Variants in ATP7A observed in about 807,000 individuals in gnomAD.
The protein encoded by ATP7A is copper-transporting ATPase 1.
Under a neutral mutation model 83.5 loss-of-function variants are expected in ATP7A, and 7 were observed. The observed-to-expected ratio is 0.08, with a 90% CI of 0.05 to 0.16. The LOEUF (loss-of-function observed/expected upper bound fraction) is 0.16. ATP7A is among the 10% of genes least tolerant of loss of function. The probability of loss-of-function intolerance (pLI) is 1.00; values close to 1 mark genes in which losing one functional copy is unlikely to be tolerated. For synonymous variants in ATP7A, 354 were observed against 395.2 expected, an observed-to-expected ratio of 0.90 and a Z score of 1.24; for missense variants, 940 against 1,120.8, an observed-to-expected ratio of 0.84 and a Z score of 2.30.
At chrX:77,954,391 C>T (rs953287905) in intron 1 of ATP7A, among the ~76,000 whole-genome samples, 2 of 111,739 alleles carry the variant, frequency 1.8e-5, no homozygotes, top group Non-Finnish European at 3.8e-5. Context: ...ATCTGCCCAC[C>T]TTGGCCTCCC....
At chrX:77,947,915 A>G (rs868986797) in intron 1 of ATP7A, among the ~76,000 whole-genome samples, 1 of 101,051 alleles carries the variant, frequency 9.9e-6, no homozygotes, top group African/African-American at 3.7e-5. Context: ...AATTTTTTGT[A>G]TTTTTAGTAG....
intron 14 of ATP7A, among the ~76,000 whole-genome samples, chrX:78,024,363 T>C (rs2077928351): frequency 8.9e-6 from 1 of 111,786 alleles, no homozygotes; most frequent in East Asian, 2.8e-4. Context: ...GTGTTGAATC[T>C]ATAGATTGCT....
chrX:77,970,437 G>A (rs1557229525), intron 1 of ATP7A, among the ~76,000 whole-genome samples: 1 of 111,601 alleles, frequency 9.0e-6, no homozygotes, highest in African/African-American at 3.3e-5. Context: ...TTGGGAGGGC[G>A]AGGCGGGTGG....
chrX:77,921,400 C>T (rs2077214166), intron 1 of ATP7A, among the ~76,000 whole-genome samples: 1 of 112,061 alleles, frequency 8.9e-6, no homozygotes, highest in African/African-American at 3.2e-5. Context: ...TTCTAGTCAG[C>T]CTTTTAAAAT....
chrX:77,992,247 T>A (rs1557232144), intron 4 of ATP7A, among the ~76,000 whole-genome samples: 2 of 108,715 alleles, frequency 1.8e-5, no homozygotes. Context: ...GTATTTTTAG[T>A]AGAGATGGGG....
In ATP7A at chrX:78,020,413, T is replaced by C; in HGVS notation, c.2781+15T>C. ...AAACATCAAAGGTAACTTAACTCCC[T>C]AGGAGAAACACAAACTATTTTCTTT... On this transcript the variant is annotated intron_variant, in intron 13 of 22. Transcript: ENST00000341514. 8.3e-7 allele frequency: 1 copy of C among 1,204,714 alleles called. No individual in the cohort carries two copies. The highest frequency in any genetic ancestry group is 1.1e-6 in the Non-Finnish European group (1 of 888,807).
chrX:77,979,639 G>A (rs1336724897), intron 2 of ATP7A, among the ~76,000 whole-genome samples: 2 of 112,399 alleles, frequency 1.8e-5, no homozygotes, highest in Non-Finnish European at 3.8e-5. Context: ...TTTCAACTAA[G>A]TCAAGGAGCT....
chrX:77,998,728 A>G, intron 5 of ATP7A, 44 bp downstream of exon 5: 1 of 1,151,835 alleles, frequency 8.7e-7, no homozygotes, highest in Non-Finnish European at 1.2e-6. Context: ...CTAGTTTGGG[A>G]GCTCCATCTT....
At chrX:77,963,976 C>T (rs1307190046) in intron 1 of ATP7A, 13 of 112,188 alleles carry the variant, frequency 1.2e-4, no homozygotes, top group African/African-American at 4.2e-4. Flanking sequence ...TCTATGGTTA[C>T]TGCTTTTACA....
In ATP7A at chrX:77,932,987, A is replaced by G. The variant is rs140345144; in HGVS notation, c.-22+22152A>G. The stretch of plus-strand genomic sequence containing the variant: ...TCTTAAGACTGTCTCCAACTGCAGC[A>G]TTGAACTCTTACTGTTCATTTTTTC... On this transcript the variant is annotated intron_variant, in intron 1 of 22. Transcript: ENST00000341514. Among the ~76,000 whole-genome samples, 486 of 111,406 alleles carry G rather than the reference A, an allele frequency of 4.4e-3. 4 individuals carry two copies. Among genetic ancestry groups the G allele is most frequent in the African/African-American group, 0.015 (459 of 30,680 alleles).
intron 14 of ATP7A, among the ~76,000 whole-genome samples, chrX:78,026,919 C>T (rs1224974585): frequency 9.0e-6 from 1 of 111,295 alleles, no homozygotes; most frequent in Non-Finnish European, 1.9e-5. Context: ...GAGGCCGAGG[C>T]GGGTGGATCC....
At chrX:78,016,164 T>TG (rs781841897) in intron 12 of ATP7A, among the ~76,000 whole-genome samples, 3 of 111,389 alleles carry the variant, frequency 2.7e-5, no homozygotes, top group Non-Finnish European at 3.8e-5. Flanking sequence ...TCAGGAAACT[T>TG]GTAATCATGG....
At chrX:77,946,399 C>T (rs2077379568) in intron 1 of ATP7A, among the ~76,000 whole-genome samples, 1 of 110,345 alleles carries the variant, frequency 9.1e-6, no homozygotes, top group African/African-American at 3.3e-5. Context: ...TTGTTACATC[C>T]TTTTATCTTG....
At chrX:77,969,466 G>A in intron 1 of ATP7A, 4 of 1,210,633 alleles carry the variant, frequency 3.3e-6, no homozygotes, top group Non-Finnish European at 4.5e-6. Flanking sequence ...CTTCTGCACT[G>A]AGGTGAGGCA....
intron 1 of ATP7A, among the ~76,000 whole-genome samples, chrX:77,960,585 C>T (rs781823818): frequency 3.7e-4 from 41 of 111,864 alleles, no homozygotes; most frequent in African/African-American, 1.3e-3. Flanking sequence ...TCATATGTGC[C>T]ATGTTTTCTA....
intron 6 of ATP7A, 53 bp downstream of exon 6, chrX:78,003,289 A>G: frequency 9.0e-7 from 1 of 1,107,267 alleles, no homozygotes; most frequent in Non-Finnish European, 1.2e-6. Context: ...AAAACTTGGT[A>G]AGGTTCAGAG....
At chrX:78,043,294 A>G (rs1557238659) in intron 20 of ATP7A, 23 bp from the exon 21 acceptor site, 1 of 1,098,742 alleles carries the variant, frequency 9.1e-7, no homozygotes, top group Non-Finnish European at 1.3e-6. Context: ...TCTTACTAAT[A>G]TCACAAATAT....
At chrX:78,011,835 G>A in intron 9 of ATP7A, 161 bp downstream of exon 9, 1 of 578,871 alleles carries the variant, frequency 1.7e-6, no homozygotes, top group Admixed American at 2.4e-5. Flanking sequence ...AGTTATTTAA[G>A]TTGATAATAG....
chrX:77,967,272 A>G (rs1159072949), intron 1 of ATP7A, among the ~76,000 whole-genome samples: 1 of 111,899 alleles, frequency 8.9e-6, no homozygotes, highest in African/African-American at 3.3e-5. Context: ...GTACCCAGTA[A>G]TGGGGTTGCT....
Sources: allele counts gnomAD v4.1 joint callset (sites outside exome capture counted in the v4.1 genomes callset), GRCh38; gene constraint gnomAD v4.1.1; transcripts MANE v1.5; gene names NCBI Gene and HGNC (gene_info 2026-07-23, HGNC 2026-07-21).